The following ZNF618 variants were observed in gnomAD, a reference collection of about 807,000 sequenced individuals.
The protein encoded by ZNF618 is neural precursor cell expressed, developmentally down-regulated 10.
ZNF618 carries 34 observed loss-of-function variants against 103.0 expected under a neutral mutation model. That is an observed-to-expected ratio of 0.33 (90% CI 0.25 to 0.44). ZNF618 has a LOEUF of 0.44. Among genes scored for constraint, ZNF618 ranks in the 20% least tolerant of loss-of-function variants. ZNF618 has a pLI of 1.00. For synonymous variants in ZNF618, 551 were observed against 542.2 expected, an observed-to-expected ratio of 1.02 and a Z score of -0.23; for missense variants, 1,059 against 1,295.4, an observed-to-expected ratio of 0.82 and a Z score of 2.80.
intron 10 of ZNF618, among the ~76,000 whole-genome samples, chr9:114,024,881 AT>A (rs1169924168): frequency 6.6e-6 from 1 of 151,946 alleles, no homozygotes; most frequent in Non-Finnish European, 1.5e-5. Context: ...TTCTTTGTTA[AT>A]TTGCCGTGCA....
At chr9:113,884,364 C>T (rs1400030486) in intron 1 of ZNF618, among the ~76,000 whole-genome samples, 1 of 152,180 alleles carries the variant, frequency 6.6e-6, no homozygotes. Context: ...TTTTCCTTAC[C>T]TGTAAAGGTG....
chr9:113,916,833 G>C (rs1238950672), intron 1 of ZNF618, among the ~76,000 whole-genome samples: 1 of 152,178 alleles, frequency 6.6e-6, no homozygotes, highest in East Asian at 1.9e-4. Context: ...GGACAAACTG[G>C]TTATTGGGCT....
intron 9 of ZNF618, 101 bp downstream of exon 9, chr9:114,008,655 C>A: frequency 7.3e-7 from 1 of 1,363,904 alleles, no homozygotes; most frequent in Non-Finnish European, 1.0e-6. Context: ...TGGGTGGCAT[C>A]ACTTAACTGC....
intron 10 of ZNF618, among the ~76,000 whole-genome samples, chr9:114,024,230 A>C (rs1843303361): frequency 6.6e-6 from 1 of 152,128 alleles, no homozygotes; most frequent in Non-Finnish European, 1.5e-5. Flanking sequence ...AAATCCATTA[A>C]GTGAACTTTT....
chr9:113,965,948 A>C (rs573754239), intron 1 of ZNF618, among the ~76,000 whole-genome samples: 4 of 152,084 alleles, frequency 2.6e-5, no homozygotes, highest in Non-Finnish European at 5.9e-5. Context: ...CACTCATGAG[A>C]TGCCGACTTG....
chr9:114,016,198 G>C (rs538950081), intron 9 of ZNF618: 2 of 1,609,342 alleles, frequency 1.2e-6, no homozygotes, highest in African/African-American at 2.7e-5. Context: ...GGTGGGACTT[G>C]AGAGGAAGAA....
rs144699181 is a variant in ZNF618, at chr9:114,025,726, C to T, written c.845-3007C>T. Reference sequence around the variant, plus strand: ...TCTGAGCTTGAGTAGCCCCATCTGCCTTATACCTTTGGGACCACTGGGAGG... The same window carrying T: ...TCTGAGCTTGAGTAGCCCCATCTGCTTTATACCTTTGGGACCACTGGGAGG... On this transcript the variant is annotated intron_variant, in intron 10 of 14. Coordinates refer to ENST00000374126, the MANE Select transcript of ZNF618 (RefSeq NM_001318042.2). 1.5e-3 allele frequency among the ~76,000 whole-genome samples: 222 copies of T among 152,282 alleles called. 3 individuals are homozygous for T. The East Asian group carries it at 0.038, about 26-fold the overall frequency.
Position 114,050,190 on chromosome 9 carries a change from A to T in ZNF618, c.*23A>T, listed in dbSNP as rs1337594166. The T allele has an allele frequency of 6.6e-7, 1 of 1,520,826 alleles. No individual in the cohort carries two copies. The highest frequency in any genetic ancestry group is 2.3e-5 in the East Asian group (1 of 44,028). The allele number at this position is 1,520,826 out of a possible 1,614,324, so 94.2% of individuals were successfully genotyped here. A position where few individuals can be genotyped will look rare whatever the true frequency, so the allele number is the denominator to read the frequency against. On this transcript the variant is annotated 3_prime_UTR_variant, in exon 15 of 15. Transcript: ENST00000374126. ...TAAGACTTGACTTCGGGGGAAAAAAAAAGAAAAAGAGAAGATAACATTAGA... is the reference window on the plus strand; with the variant it reads ...TAAGACTTGACTTCGGGGGAAAAAATAAGAAAAAGAGAAGATAACATTAGA...
intron 1 of ZNF618, among the ~76,000 whole-genome samples, chr9:113,878,316 T>C (rs1215849202): frequency 6.6e-6 from 1 of 152,058 alleles, no homozygotes; most frequent in African/African-American, 2.4e-5. Flanking sequence ...TGAAGAAATG[T>C]GATATAACAC....
At chr9:113,928,440 A>T (rs1005639003) in intron 1 of ZNF618, among the ~76,000 whole-genome samples, 1 of 152,178 alleles carries the variant, frequency 6.6e-6, no homozygotes, top group African/African-American at 2.4e-5. Flanking sequence ...GTCTCTCTTC[A>T]GGTTGTGTTT....
chr9:114,025,562 T>A (rs1843420605), intron 10 of ZNF618, among the ~76,000 whole-genome samples: 1 of 152,158 alleles, frequency 6.6e-6, no homozygotes, highest in South Asian at 2.1e-4. Context: ...AGAGCTCAGG[T>A]AGGAATTCCA....
rs766334427 is a variant in ZNF618 at position 114,008,324 on chromosome 9, C to T, written c.641-20C>T. The T allele has an allele frequency of 1.8e-5, 29 of 1,612,942 alleles. 1 individual carries two copies. In the Admixed American group the frequency reaches 3.2e-4, roughly 18 times the overall value. The stretch of plus-strand genomic sequence containing the variant: ...TTTGTTTCTTTCCTTCTGCGGCTGC[C>T]GCCTCCTGCCCGGGCGCAGTGTTTA... On this transcript the variant is annotated intron_variant, in intron 7 of 14. Coordinates refer to ENST00000374126, the MANE Select transcript of ZNF618 (RefSeq NM_001318042.2).
At chr9:113,922,433 C>G (rs1832726980) in intron 1 of ZNF618, among the ~76,000 whole-genome samples, 1 of 150,070 alleles carries the variant, frequency 6.7e-6, no homozygotes, top group Non-Finnish European at 1.5e-5. Flanking sequence ...AAGTTATGTA[C>G]ACTGGCAGAC....
intron 11 of ZNF618, among the ~76,000 whole-genome samples, chr9:114,029,858 C>T (rs923120543): frequency 8.5e-5 from 13 of 152,154 alleles, no homozygotes; most frequent in African/African-American, 2.2e-4. Context: ...TAAAAAGTTC[C>T]GAGAAGTTAT....
At chr9:113,998,485 T>A in intron 4 of ZNF618, 131 bp downstream of exon 4, 1 of 757,166 alleles carries the variant, frequency 1.3e-6, no homozygotes, top group South Asian at 1.7e-5. Context: ...AGGGGCCACC[T>A]TCTTCATCCC....
rs1413622475 is a variant in ZNF618 at position 114,049,586 on chromosome 9, C to T, written c.2284C>T (p.Pro762Ser). ...CCAGCCCACCCTGCAGCTGGTGCTG[C>T]CCACCTACGTCAGGCTGGAGAAGCT... ...ESQPTLQLVL[P>S]TYVRLEKLFT... The change falls in exon 15 of 15, where the codon CCC (proline) becomes TCC (serine). Residue 762 changes from proline (P) to serine (S), a missense_variant. Transcript: ENST00000374126. 6.2e-7 allele frequency: 1 copy of T among 1,613,722 alleles called. No individual in the cohort carries two copies. The highest frequency in any genetic ancestry group is 1.3e-5 in the African/African-American group (1 of 74,954).
chr9:113,986,518 G>C (rs1839496226), intron 2 of ZNF618, among the ~76,000 whole-genome samples: 1 of 152,324 alleles, frequency 6.6e-6, no homozygotes, highest in South Asian at 2.1e-4. Context: ...TTCTGGTGAG[G>C]GCTGCCTCCT....
At chr9:113,955,685 A>AG (rs1434829083) in intron 1 of ZNF618, among the ~76,000 whole-genome samples, 1 of 152,030 alleles carries the variant, frequency 6.6e-6, no homozygotes, top group African/African-American at 2.4e-5. Flanking sequence ...TAAAAAAAAA[A>AG]GTCTTACTTA....
In ZNF618 at chr9:114,032,271, G is replaced by T. The variant is rs1844134974; in HGVS notation, c.1085-374G>T. ...GGTGGGGCCCGTGGCAGCAGAATCT[G>T]ACAGGGAGTGGTGGGCGGTAGATCC... On this transcript the variant is annotated intron_variant, in intron 11 of 14. Transcript: ENST00000374126. Among the ~76,000 whole-genome samples, 3 of 152,248 alleles carry T rather than the reference G, an allele frequency of 2.0e-5. No individual in the cohort carries two copies. The South Asian group carries it at 6.2e-4, about 32-fold the overall frequency.
Sources: gnomAD v4.1 joint callset for allele counts (sites outside exome capture counted in the v4.1 genomes callset) on GRCh38, gnomAD v4.1.1 for gene constraint, MANE v1.5 for transcripts, NCBI Gene and HGNC (gene_info 2026-07-23, HGNC 2026-07-21) for gene names.